The following ANKRD13C variants were observed in gnomAD, a reference collection of about 807,000 sequenced individuals.
ANKRD13C encodes ankyrin repeat domain 13C, also known as ankyrin repeat domain-containing protein 13C.
In ANKRD13C, 16 loss-of-function variants were observed where a neutral mutation model predicts 65.5. The ratio of observed to expected loss-of-function variants is 0.24; its 90% CI spans 0.17 to 0.37. ANKRD13C has a LOEUF of 0.37. ANKRD13C is among the 10% of genes least tolerant of loss of function. ANKRD13C has a pLI of 1.00. For missense variants in ANKRD13C, 503 were observed against 655.9 expected, an observed-to-expected ratio of 0.77 and a Z score of 2.55; for synonymous variants, 235 against 238.7, an observed-to-expected ratio of 0.98 and a Z score of 0.14.
intron 8 of ANKRD13C, among the ~76,000 whole-genome samples, chr1:70,294,481 A>G (rs1679992785): frequency 6.6e-6 from 1 of 152,100 alleles, no homozygotes; most frequent in Non-Finnish European, 1.5e-5. Context: ...AGAGCTAATT[A>G]CCCTACATAA....
chr1:70,323,703 C>A (rs982147557), intron 3 of ANKRD13C, among the ~76,000 whole-genome samples: 1 of 150,934 alleles, frequency 6.6e-6, no homozygotes, highest in Non-Finnish European at 1.5e-5. Context: ...AATGTATGTG[C>A]GGTACAATAT....
intron 5 of ANKRD13C, among the ~76,000 whole-genome samples, chr1:70,308,692 T>C (rs1680699630): frequency 6.7e-6 from 1 of 148,976 alleles, no homozygotes; most frequent in Non-Finnish European, 1.5e-5. Flanking sequence ...TGAGCCGAGA[T>C]TGCGCCACTG....
At chr1:70,292,570 TA>T in intron 8 of ANKRD13C, 21 bp from the exon 9 acceptor site, 1 of 1,560,396 alleles carries the variant, frequency 6.4e-7, no homozygotes, top group Non-Finnish European at 8.6e-7. Context: ...ACCAAATATT[TA>T]AAAGTAAAAT....
chr1:70,295,350 C>T (rs907059479), intron 8 of ANKRD13C, among the ~76,000 whole-genome samples: 7 of 152,002 alleles, frequency 4.6e-5, no homozygotes, highest in Middle Eastern at 3.4e-3. Context: ...CGGGTTCAAG[C>T]GATTCTCCTG....
intron 3 of ANKRD13C, among the ~76,000 whole-genome samples, chr1:70,320,053 C>G (rs1482911927): frequency 6.6e-6 from 1 of 151,994 alleles, no homozygotes; most frequent in Non-Finnish European, 1.5e-5. Context: ...GAGCTGAGAT[C>G]TGAAGAATCT....
At chr1:70,264,213 C>T (rs188011505) in intron 12 of ANKRD13C, among the ~76,000 whole-genome samples, 3 of 152,164 alleles carry the variant, frequency 2.0e-5, no homozygotes, top group East Asian at 1.9e-4. Context: ...TGGTGGCTCA[C>T]GCCTGTAATC....
chr1:70,318,872 A>G (rs11801641), intron 3 of ANKRD13C, among the ~76,000 whole-genome samples: 68,610 of 151,530 alleles, frequency 0.45, 16,120 homozygotes, highest in East Asian at 0.65. Context: ...TAGTAGAAAC[A>G]GGGTTTCACC....
At chr1:70,292,215 AT>A (rs1192286487) in intron 9 of ANKRD13C, 172 bp downstream of exon 9, 10 of 476,752 alleles carry the variant, frequency 2.1e-5, no homozygotes, top group African/African-American at 4.0e-5. Context: ...CCCAAAAGAC[AT>A]TTTTTTGTCT....
At chr1:70,333,337 G>A (rs910497827) in intron 2 of ANKRD13C, among the ~76,000 whole-genome samples, 6 of 151,290 alleles carry the variant, frequency 4.0e-5, no homozygotes, top group Non-Finnish European at 2.9e-5. Flanking sequence ...AAAAAAAAGC[G>A]CAAGTTTTTA....
intron 2 of ANKRD13C, among the ~76,000 whole-genome samples, chr1:70,333,211 G>A (rs1681885770): frequency 6.6e-6 from 1 of 152,056 alleles, no homozygotes; most frequent in Admixed American, 6.6e-5. Context: ...TCACTCACAT[G>A]GTTGTGGTAA....
intron 12 of ANKRD13C, 115 bp downstream of exon 12, chr1:70,270,741 C>T (rs1346706351): frequency 1.2e-5 from 8 of 663,848 alleles, no homozygotes; most frequent in East Asian, 5.6e-5. Context: ...TAAAAGGTCA[C>T]GAACCAACAG....
intron 12 of ANKRD13C, 69 bp downstream of exon 12, chr1:70,270,787 T>C: frequency 1.8e-6 from 2 of 1,108,186 alleles, no homozygotes; most frequent in Non-Finnish European, 1.3e-6. Flanking sequence ...AGAAATTGCT[T>C]ATTAAATGTT....
intron 8 of ANKRD13C, chr1:70,293,560 A>C (rs1018818954): frequency 2.3e-5 from 23 of 985,196 alleles, no homozygotes; most frequent in Non-Finnish European, 2.8e-5. Context: ...GCTGCTTAGC[A>C]GTAGTACTAG....
chr1:70,337,367 G>A (rs1345401601), intron 1 of ANKRD13C, among the ~76,000 whole-genome samples: 1 of 151,694 alleles, frequency 6.6e-6, no homozygotes, highest in African/African-American at 2.4e-5. Flanking sequence ...ATCACCCGAG[G>A]TCAAGAGTTC....
At chr1:70,309,524 T>G (rs1206513211) in intron 5 of ANKRD13C, among the ~76,000 whole-genome samples, 1 of 149,894 alleles carries the variant, frequency 6.7e-6, no homozygotes, top group African/African-American at 2.4e-5. Context: ...CAAGACCATC[T>G]TGGCTAACAC....
intron 9 of ANKRD13C, among the ~76,000 whole-genome samples, chr1:70,290,245 CAT>C (rs1558275282): frequency 6.6e-6 from 1 of 152,098 alleles, no homozygotes; most frequent in African/African-American, 2.4e-5. Flanking sequence ...TACTGACAAA[CAT>C]AGTATTACCA....
intron 2 of ANKRD13C, 25 bp downstream of exon 2, chr1:70,336,033 A>AT: frequency 1.3e-6 from 1 of 768,464 alleles, no homozygotes; most frequent in Non-Finnish European, 1.9e-6. Context: ...GAAGTTAAAC[A>AT]TAAAAAAAGA....
intron 7 of ANKRD13C, 92 bp from the exon 8 acceptor site, chr1:70,296,353 C>A: frequency 7.8e-7 from 1 of 1,276,536 alleles, no homozygotes. Flanking sequence ...ATAATGGTAC[C>A]AATTTTTAAA....
At chr1:70,345,403 T>C (rs980747553) in intron 1 of ANKRD13C, among the ~76,000 whole-genome samples, 1 of 151,452 alleles carries the variant, frequency 6.6e-6, no homozygotes, top group Non-Finnish European at 1.5e-5. Flanking sequence ...CACTCCAGCC[T>C]GAGCAAGAAG....
Sources: allele counts gnomAD v4.1 joint callset (sites outside exome capture counted in the v4.1 genomes callset), GRCh38; gene constraint gnomAD v4.1.1; transcripts MANE v1.5; gene names NCBI Gene and HGNC (gene_info 2026-07-23, HGNC 2026-07-21).